The following ARHGAP29 variants were observed in gnomAD, a reference collection of about 807,000 sequenced individuals.
The protein encoded by ARHGAP29 is Rho GTPase activating protein 29, also known as rho GTPase-activating protein 29.
Under a neutral mutation model 122.6 loss-of-function variants are expected in ARHGAP29, and 43 were observed. The ratio of observed to expected loss-of-function variants is 0.35; its 90% CI spans 0.27 to 0.45. The LOEUF (loss-of-function observed/expected upper bound fraction) is 0.45, where lower values mean the gene tolerates loss of function less well. Ranked by LOEUF, ARHGAP29 falls within the 20% of genes least tolerant of loss-of-function variation. ARHGAP29 has a pLI of 1.00. For missense variants in ARHGAP29, 1,303 were observed against 1,477.2 expected (o/e 0.88, Z 1.93); for synonymous variants, 506 against 497.1 (o/e 1.02, Z -0.24).
chr1:94,275,614 G>C (rs80219919), upstream of ARHGAP29, among the ~76,000 whole-genome samples: 324 of 152,272 alleles, frequency 2.1e-3, 3 homozygotes, highest in Middle Eastern at 3.4e-3. Context: ...GTTCAGGACA[G>C]GTGCTGGTTG....
At position 94,171,653 on chromosome 1, in the gene ARHGAP29, C is replaced by T. The variant is rs918036202; in HGVS notation, c.*2216G>A. On this transcript the variant is annotated 3_prime_UTR_variant, in exon 23 of 23. Coordinates refer to ENST00000260526, the MANE Select transcript of ARHGAP29 (RefSeq NM_004815.4). The stretch of plus-strand genomic sequence containing the variant: ...TCTCAAGAGATACTTGCCTCAGGGC[C>T]CCAGGAAACTAGAAAGCATCTAGAG... The T allele has an allele frequency of 6.6e-6, 1 of 152,120 alleles. No homozygotes were observed. The highest frequency in any genetic ancestry group is 2.1e-4 in the South Asian group (1 of 4,828). The allele number at this position is 152,120 out of a possible 1,614,324, so 9.4% of individuals were successfully genotyped here.
intron 1 of ARHGAP29, among the ~76,000 whole-genome samples, chr1:94,266,187 A>G (rs367824199): frequency 3.9e-5 from 6 of 152,184 alleles, no homozygotes; most frequent in African/African-American, 1.4e-4. Flanking sequence ...ATAGAAAATG[A>G]CAGGCAAATG....
At chr1:94,240,815 G>T (rs1178119452), upstream of ARHGAP29, among the ~76,000 whole-genome samples, 3 of 152,146 alleles carry the variant, frequency 2.0e-5, no homozygotes, top group Non-Finnish European at 4.4e-5. Context: ...TCTTCAAAAT[G>T]TTTGTGGTAC....
intron 12 of ARHGAP29, among the ~76,000 whole-genome samples, chr1:94,200,502 TAACTACAC>T (rs1214124317): frequency 6.6e-6 from 1 of 152,186 alleles, no homozygotes; most frequent in East Asian, 1.9e-4. Flanking sequence ...CTTATAAAGG[TAACTACAC>T]ATTTAGCACA....
At chr1:94,225,089 G>T (rs2101597682) in intron 2 of ARHGAP29, among the ~76,000 whole-genome samples, 1 of 152,238 alleles carries the variant, frequency 6.6e-6, no homozygotes, top group Non-Finnish European at 1.5e-5. Context: ...TAGGTCATGA[G>T]CATGTCCTAA....
chr1:94,286,470 C>G, the ARHGAP29 span, among the ~76,000 whole-genome samples: 1 of 152,104 alleles, frequency 6.6e-6, no homozygotes, highest in Non-Finnish European at 1.5e-5. Context: ...GAGTTCAAGA[C>G]CAGCCTGGGC....
At chr1:94,232,298 T>G (rs1652967207) in intron 1 of ARHGAP29, among the ~76,000 whole-genome samples, 1 of 152,136 alleles carries the variant, frequency 6.6e-6, no homozygotes, top group South Asian at 2.1e-4. Context: ...GATACAGAAG[T>G]GTCGAGAACA....
the ARHGAP29 span, chr1:94,302,555 C>A: frequency 3.0e-6 from 1 of 334,584 alleles, no homozygotes. Flanking sequence ...CAGTCCATGC[C>A]ATCACTGCTA....
chr1:94,207,260 C>G (rs77633390), intron 5 of ARHGAP29, among the ~76,000 whole-genome samples: 3 of 151,934 alleles, frequency 2.0e-5, no homozygotes, highest in Admixed American at 1.3e-4. Flanking sequence ...CCGCCCACTT[C>G]GCCCTCCCAA....
chr1:94,297,335 A>G, the ARHGAP29 span, among the ~76,000 whole-genome samples: 1 of 152,184 alleles, frequency 6.6e-6, no homozygotes, highest in African/African-American at 2.4e-5. Flanking sequence ...ATATTATTCA[A>G]TTCTTAATAT....
At chr1:94,275,195 T>G (rs1655138806), upstream of ARHGAP29, 1 of 152,256 alleles carries the variant, frequency 6.6e-6, no homozygotes, top group African/African-American at 2.4e-5. Context: ...GTGTGTCTGG[T>G]GTGCATGAAC....
chr1:94,273,146 G>A (rs115855789), intron 1 of ARHGAP29, among the ~76,000 whole-genome samples: 2,364 of 152,260 alleles, frequency 0.016, 68 homozygotes, highest in African/African-American at 0.054. Flanking sequence ...TGCCTACTGC[G>A]TCAATTCCTG....
chr1:94,313,790 G>T, the ARHGAP29 span, among the ~76,000 whole-genome samples: 1 of 152,172 alleles, frequency 6.6e-6, no homozygotes, highest in Non-Finnish European at 1.5e-5. Flanking sequence ...GGAATATTAT[G>T]CAGCCTTAAA....
At chr1:94,276,011 A>C (rs1324104579), upstream of ARHGAP29, among the ~76,000 whole-genome samples, 1 of 152,090 alleles carries the variant, frequency 6.6e-6, no homozygotes. Flanking sequence ...TGATCCTAAC[A>C]CTTTGGGAGG....
chr1:94,242,120 G>A (rs1653610898), upstream of ARHGAP29, among the ~76,000 whole-genome samples: 1 of 152,124 alleles, frequency 6.6e-6, no homozygotes, highest in Non-Finnish European at 1.5e-5. Context: ...ACACCAAGAT[G>A]CACATGTATA....
chr1:94,225,792 T>C lies in ARHGAP29; in HGVS notation c.206-5400A>G, dbSNP rs772298859. Among the ~76,000 whole-genome samples the C allele has an allele frequency of 5.5e-4, 83 of 152,232 alleles. No individual in the cohort carries two copies. In the Middle Eastern group the frequency reaches 0.017, roughly 31 times the overall value. On this transcript the variant is annotated intron_variant, in intron 2 of 22. Transcript: ENST00000260526. ...ATTTATACTAAAAAGTTATTACAGA[T>C]GTGAATATAATAAAATTCAACCAAA...
At position 94,198,564 on chromosome 1, in the gene ARHGAP29, T is replaced by TA. The variant is rs201949915; in HGVS notation, c.1281+3155dup. Among the ~76,000 whole-genome samples the TA allele has an allele frequency of 6.6e-3, 1,012 of 152,324 alleles. 7 individuals are homozygous for TA. The highest frequency in any genetic ancestry group is 0.023 in the African/African-American group (959 of 41,552). On this transcript the variant is annotated intron_variant, in intron 12 of 22. Coordinates refer to ENST00000260526, the MANE Select transcript of ARHGAP29 (RefSeq NM_004815.4). ...ATACATATGCACTTATGTGTACATA[T>TA]AGACCATTCACAATAGCCCCCCCAA...
intron 7 of ARHGAP29, among the ~76,000 whole-genome samples, chr1:94,204,243 T>C (rs935159681): frequency 1.3e-5 from 2 of 152,024 alleles, no homozygotes; most frequent in South Asian, 4.1e-4. Context: ...CAAGTGATCT[T>C]CCAGCCTCAG....
chr1:94,247,371 G>C lies in ARHGAP29; in HGVS notation c.-32-15728C>G, dbSNP rs371613530. Reference sequence around the variant, plus strand: ...CTGCCCGCCGGCGTCACACAACTCAGAGCGCGCACCCGGGGTCCGCGGCGT... The same window carrying C: ...CTGCCCGCCGGCGTCACACAACTCACAGCGCGCACCCGGGGTCCGCGGCGT... On this transcript the variant is annotated intron_variant and NMD_transcript_variant, in intron 1 of 25. Coordinates refer to the ARHGAP29 transcript ENST00000552844. 9.2e-5 allele frequency among the ~76,000 whole-genome samples: 14 copies of C among 152,062 alleles called. No homozygotes were observed. In the East Asian group the frequency reaches 2.3e-3, roughly 26 times the overall value.
Sources: gnomAD v4.1 joint callset for allele counts (sites outside exome capture counted in the v4.1 genomes callset) on GRCh38, gnomAD v4.1.1 for gene constraint, MANE v1.5 for transcripts, NCBI Gene and HGNC (gene_info 2026-07-23, HGNC 2026-07-21) for gene names.